Variants in WDR70 observed in about 807,000 individuals in gnomAD.
WDR70 encodes WD repeat-containing protein 70.
A neutral mutation model predicts 88.6 loss-of-function variants in WDR70; 53 were observed. The ratio of observed to expected loss-of-function variants is 0.60; its 90% confidence interval spans 0.48 to 0.75. The LOEUF (loss-of-function observed/expected upper bound fraction) is 0.75, where lower values mean the gene tolerates loss of function less well. Among genes scored for constraint, WDR70 ranks in the 30% least tolerant of loss-of-function variants. WDR70 has a pLI of 0.00. For missense variants in WDR70, 610 were observed against 823.2 expected, an observed-to-expected ratio of 0.74 and a Z score of 3.17; for synonymous variants, 280 against 270.0, an observed-to-expected ratio of 1.04 and a Z score of -0.36.
intron 7 of WDR70, among the ~76,000 whole-genome samples, chr5:37,452,445 TA>T (rs1261973247): frequency 6.6e-6 from 1 of 152,156 alleles, no homozygotes; most frequent in Non-Finnish European, 1.5e-5. Flanking sequence ...TTTGTATTTT[TA>T]GTAGAGACGT....
At chr5:37,520,714 T>A (rs1741058520) in intron 9 of WDR70, among the ~76,000 whole-genome samples, 1 of 152,202 alleles carries the variant, frequency 6.6e-6, no homozygotes, top group Non-Finnish European at 1.5e-5. Flanking sequence ...AGTGGACATT[T>A]GATAGAATTT....
rs114984818 is a variant in WDR70, at chr5:37,688,635, C to T, written c.1093-9020C>T. 5.8e-3 allele frequency among the ~76,000 whole-genome samples: 859 copies of T among 148,632 alleles called. 8 individuals carry two copies. The highest frequency in any genetic ancestry group is 0.028 in the Middle Eastern group (8 of 290). ...CTTATTGAGGTTGGTAGCAGAGTTTCGTTTGTCCTAGGAACAGAATATTCC... is the reference window on the plus strand; with the variant it reads ...CTTATTGAGGTTGGTAGCAGAGTTTTGTTTGTCCTAGGAACAGAATATTCC... On this transcript the variant is annotated intron_variant, in intron 10 of 17. Transcript: ENST00000265107.
Position 37,463,965 on chromosome 5 carries a change from A to G in WDR70, c.687-15869A>G, listed in dbSNP as rs184919938. On this transcript the variant is annotated intron_variant, in intron 7 of 17. Coordinates refer to ENST00000265107, the MANE Select transcript of WDR70 (RefSeq NM_018034.4). ...GGGAAAATGTTAAAAGTGTTCCTAT[A>G]TAGCAGAAAAACAATGTGAATATTA... Among the ~76,000 whole-genome samples, 437 of 152,352 alleles carry G rather than the reference A, an allele frequency of 2.9e-3. 1 individual carries two copies. The highest frequency in any genetic ancestry group is 9.8e-3 in the African/African-American group (409 of 41,584).
At chr5:37,572,975 A>G (rs1230355984) in intron 9 of WDR70, among the ~76,000 whole-genome samples, 1 of 152,154 alleles carries the variant, frequency 6.6e-6, no homozygotes, top group Non-Finnish European at 1.5e-5. Flanking sequence ...ACTCTTTTCC[A>G]TCTCTTAGCT....
At chr5:37,457,965 T>C (rs1292980338) in intron 7 of WDR70, among the ~76,000 whole-genome samples, 2 of 147,846 alleles carry the variant, frequency 1.4e-5, no homozygotes, top group African/African-American at 2.5e-5. Context: ...TGTGGGTTTG[T>C]CATAGATAGC....
At chr5:37,661,435 G>T (rs1745697299) in intron 10 of WDR70, among the ~76,000 whole-genome samples, 1 of 152,234 alleles carries the variant, frequency 6.6e-6, no homozygotes, top group Non-Finnish European at 1.5e-5. Flanking sequence ...CCAAAGCAGT[G>T]CCTGCCACCA....
intron 5 of WDR70, among the ~76,000 whole-genome samples, chr5:37,426,445 A>T (rs1324066608): frequency 6.6e-6 from 1 of 152,232 alleles, no homozygotes; most frequent in Admixed American, 6.5e-5. Flanking sequence ...AATAGCCAGT[A>T]TAATTTTTCT....
chr5:37,490,272 G>A (rs887122034), intron 8 of WDR70, among the ~76,000 whole-genome samples: 1 of 152,120 alleles, frequency 6.6e-6, no homozygotes, highest in African/African-American at 2.4e-5. Context: ...AACATGTCCT[G>A]GATAGTGTCC....
intron 7 of WDR70, among the ~76,000 whole-genome samples, chr5:37,448,252 A>T (rs1738561435): frequency 1.3e-5 from 2 of 152,050 alleles, no homozygotes; most frequent in South Asian, 2.1e-4. Flanking sequence ...TTTTGACATG[A>T]CCTTATTAGT....
At chr5:37,381,941 T>C (rs921119147) in intron 3 of WDR70, 13 of 331,238 alleles carry the variant, frequency 3.9e-5, no homozygotes, top group African/African-American at 6.4e-5. Context: ...TAATCCCAGC[T>C]AGTCGTGAGG....
At chr5:37,693,057 T>TC (rs1167629140) in intron 10 of WDR70, among the ~76,000 whole-genome samples, 2 of 150,448 alleles carry the variant, frequency 1.3e-5, no homozygotes, top group African/African-American at 5.0e-5. Context: ...TCACAAGCAT[T>TC]CCTATACACC....
intron 13 of WDR70, among the ~76,000 whole-genome samples, chr5:37,719,794 A>G (rs1022008519): frequency 2.7e-5 from 4 of 149,836 alleles, no homozygotes; most frequent in Admixed American, 1.3e-4. Flanking sequence ...TGCCATTCAC[A>G]TGGGAGTCAG....
chr5:37,403,003 C>G (rs577906004), intron 5 of WDR70, among the ~76,000 whole-genome samples: 68 of 126,128 alleles, frequency 5.4e-4, no homozygotes, highest in Non-Finnish European at 8.9e-4. Flanking sequence ...CTGGAGTGCA[C>G]TGGCACGATC....
intron 7 of WDR70, among the ~76,000 whole-genome samples, chr5:37,455,243 C>CTTTTTTTT (rs544303522): frequency 1.1e-4 from 14 of 123,066 alleles, no homozygotes; most frequent in African/African-American, 2.0e-4. Flanking sequence ...TTCTTTCTTT[C>CTTTTTTTT]TTTTTTTTTT....
intron 5 of WDR70, among the ~76,000 whole-genome samples, chr5:37,430,893 G>A (rs971767677): frequency 1.3e-5 from 2 of 151,144 alleles, no homozygotes; most frequent in Non-Finnish European, 1.5e-5. Flanking sequence ...TCCTTCTATC[G>A]TCCAGGTTGG....
At chr5:37,516,493 C>A in intron 8 of WDR70, 21 bp from the exon 9 acceptor site, 2 of 1,488,770 alleles carry the variant, frequency 1.3e-6, no homozygotes, top group East Asian at 4.6e-5. Flanking sequence ...TCTTTTTTTC[C>A]CCTTTGTCTT....
chr5:37,574,263 C>T (rs1302713594), intron 9 of WDR70, among the ~76,000 whole-genome samples: 1 of 152,114 alleles, frequency 6.6e-6, no homozygotes, highest in Non-Finnish European at 1.5e-5. Flanking sequence ...AAGTATTTGT[C>T]CTTAACACAA....
intron 10 of WDR70, among the ~76,000 whole-genome samples, chr5:37,608,038 C>CTTT (rs11295618): frequency 3.7e-4 from 37 of 100,596 alleles, no homozygotes; most frequent in African/African-American, 4.5e-4. Flanking sequence ...CTGCAACACT[C>CTTT]TTTTTTTTTT....
chr5:37,679,083 C>A (rs1034049012), intron 10 of WDR70, among the ~76,000 whole-genome samples: 1 of 152,190 alleles, frequency 6.6e-6, no homozygotes, highest in Non-Finnish European at 1.5e-5. Flanking sequence ...TCAGCTCCAT[C>A]AGCTCCTTTA....
Sources: gnomAD v4.1 joint callset for allele counts (sites outside exome capture counted in the v4.1 genomes callset) on GRCh38, gnomAD v4.1.1 for gene constraint, MANE v1.5 for transcripts, NCBI Gene and HGNC (gene_info 2026-07-23, HGNC 2026-07-21) for gene names.